SLC26A3: variants seen among roughly 807,000 people sequenced by gnomAD.
The protein encoded by SLC26A3 is chloride anion exchanger.
In SLC26A3, 64 loss-of-function variants were observed where a neutral mutation model predicts 85.6. The observed-to-expected ratio is 0.75, with a 90% confidence interval of 0.61 to 0.92. The LOEUF is 0.92. SLC26A3 is among the 40% of genes least tolerant of loss of function. The pLI, the probability that SLC26A3 is intolerant of heterozygous loss-of-function variation, is 0.00. For synonymous variants in SLC26A3, 349 were observed against 336.0 expected (o/e 1.04, Z -0.42); for missense variants, 922 against 927.3 (o/e 0.99, Z 0.07).
intron 7 of SLC26A3, 71 bp downstream of exon 7, chr7:107,787,286 A>G: frequency 4.5e-6 from 7 of 1,545,658 alleles, no homozygotes; most frequent in Non-Finnish European, 6.3e-6. Flanking sequence ...TTCCTGAGCT[A>G]CAAATGGTGA....
At position 107,791,331 on chromosome 7, in the gene SLC26A3, G is replaced by C. The variant is rs41280239; in HGVS notation, c.383-96C>G. 107,907 of 1,352,350 alleles carry C rather than the reference G, an allele frequency of 0.08. 5,125 individuals carry two copies. The highest frequency in any genetic ancestry group is 0.18 in the African/African-American group (12,614 of 69,730). 83.8% of individuals were successfully genotyped at this position (1,352,350 alleles called of 1,614,324 possible). On this transcript the variant is annotated intron_variant, in intron 4 of 20. Coordinates refer to ENST00000340010, the MANE Select transcript of SLC26A3 (RefSeq NM_000111.3). ...AAGACCATATAAAATGACTGGCAAG[G>C]CTGGGCGTGGTGGCTCACGCCTGTA...
intron 3 of SLC26A3, among the ~76,000 whole-genome samples, chr7:107,792,311 T>C (rs1794416294): frequency 6.6e-6 from 1 of 152,156 alleles, no homozygotes; most frequent in Non-Finnish European, 1.5e-5. Flanking sequence ...TTATTTCTAT[T>C]ATTATTACAT....
At chr7:107,768,061 T>C (rs1793945581) in intron 18 of SLC26A3, among the ~76,000 whole-genome samples, 153 bp from the exon 19 acceptor site, 1 of 152,210 alleles carries the variant, frequency 6.6e-6, no homozygotes, top group Non-Finnish European at 1.5e-5. Flanking sequence ...AATACCAGTC[T>C]ATCTTTAGTA....
chr7:107,790,596 A>G (rs1007146357), intron 5 of SLC26A3, among the ~76,000 whole-genome samples: 20 of 152,244 alleles, frequency 1.3e-4, no homozygotes, highest in African/African-American at 4.8e-4. Context: ...AGTTTTCCCC[A>G]AAATTGACAT....
At position 107,774,746 on chromosome 7, in the gene SLC26A3, T is replaced by C. The variant is rs1056106305; in HGVS notation, c.1773+31A>G. ...TCATCCTTTACTAAGCTTTTAGCTA[T>C]AATGCATAGAAATGTGGTCAAGGAA... On this transcript the variant is annotated intron_variant, in intron 16 of 20. Coordinates refer to ENST00000340010, the MANE Select transcript of SLC26A3 (RefSeq NM_000111.3). 9.5e-6 allele frequency: 14 copies of C among 1,467,634 alleles called. No homozygotes were observed. In the African/African-American group the frequency reaches 1.5e-4, roughly 16 times the overall value. 90.9% of individuals were successfully genotyped at this position (1,467,634 alleles called of 1,614,324 possible). A position where few individuals can be genotyped will look rare whatever the true frequency, so the allele number is the denominator to read the frequency against.
At position 107,798,642 on chromosome 7, in the gene SLC26A3, C is replaced by A. The variant is rs1286919526; in HGVS notation, c.-88-4045G>T. 2.0e-5 allele frequency among the ~76,000 whole-genome samples: 3 copies of A among 152,078 alleles called. No individual in the cohort carries two copies. The East Asian group carries it at 5.8e-4, about 29-fold the overall frequency. On this transcript the variant is annotated intron_variant, in intron 1 of 20. Coordinates refer to ENST00000340010, the MANE Select transcript of SLC26A3 (RefSeq NM_000111.3). Reference sequence around the variant, plus strand: ...ACAAGCAAGGGTGCAGAACACTTCCCAGCCCCTCCGCAGTCACATTAGATG... The same window carrying A: ...ACAAGCAAGGGTGCAGAACACTTCCAAGCCCCTCCGCAGTCACATTAGATG...
intron 15 of SLC26A3, chr7:107,775,965 T>C (rs568340093): frequency 3.4e-5 from 7 of 203,404 alleles, no homozygotes; most frequent in Non-Finnish European, 7.0e-5. Flanking sequence ...TGAGCTTTTT[T>C]TCTTAACTGT....
At chr7:107,790,413 A>G (rs1010093632) in intron 5 of SLC26A3, among the ~76,000 whole-genome samples, 1 of 152,250 alleles carries the variant, frequency 6.6e-6, no homozygotes, top group Admixed American at 6.5e-5. Context: ...ACGCATGCTT[A>G]TGTCCTTGTA....
In SLC26A3 at chr7:107,767,595, C is replaced by T. The variant is rs765288477; in HGVS notation, c.2255G>A (p.Arg752His). Residue 752 changes from arginine to histidine, a missense_variant, in exon 20 of 21, where the codon CGT (arginine) becomes CAT (histidine). Arg to His is a conservative substitution (Grantham distance 29). Transcript: ENST00000340010. ...GAATCTTACCTCATATACCCGATTA[C>T]GTAATCCTCCATTTGTATTTATGGT... ...DFTINTNGGL[R>H]NRVYEVPVET... 94 of 1,607,832 alleles carry T rather than the reference C, an allele frequency of 5.8e-5. No individual in the cohort carries two copies. The highest frequency in any genetic ancestry group is 1.7e-4 in the Middle Eastern group (1 of 5,916).
chr7:107,788,279 A>G (rs1350885562), intron 6 of SLC26A3, among the ~76,000 whole-genome samples: 1 of 152,212 alleles, frequency 6.6e-6, no homozygotes, highest in Non-Finnish European at 1.5e-5. Context: ...CACTTCTCCT[A>G]TATTTGACTC....
chr7:107,791,373 A>T, intron 4 of SLC26A3, 138 bp from the exon 5 acceptor site: 3 of 915,280 alleles, frequency 3.3e-6, no homozygotes, highest in Non-Finnish European at 5.3e-6. Flanking sequence ...GCACTTTGGG[A>T]GGCCGAGGCG....
chr7:107,772,391 C>T (rs1020710107), intron 17 of SLC26A3, among the ~76,000 whole-genome samples: 2 of 152,142 alleles, frequency 1.3e-5, no homozygotes, highest in African/African-American at 4.8e-5. Context: ...ATAAGAACAA[C>T]TCTGATTTAA....
chr7:107,778,251 T>A lies in SLC26A3; in HGVS notation c.1438A>T (p.Ile480Phe). The A allele has an allele frequency of 6.2e-7, 1 of 1,613,512 alleles. No homozygotes were observed. The highest frequency in any genetic ancestry group is 1.1e-5 in the South Asian group (1 of 91,026). The change falls in exon 13 of 21, where the codon ATT becomes TTT. Residue 480 changes from isoleucine (I) to phenylalanine (F), a missense_variant. Ile to Phe is a conservative substitution (Grantham distance 21). Coordinates refer to ENST00000340010, the MANE Select transcript of SLC26A3 (RefSeq NM_000111.3). ...LIWIMTFIFT[I>F]VLGLGLGLAA... is the part of the protein sequence containing the mutation. ...AGGCCTAACCCGAGTCCCAGGACAA[T>A]GGTGAAGATGAAGGTCATGATCCAA...
intron 18 of SLC26A3, among the ~76,000 whole-genome samples, chr7:107,769,132 T>G (rs1210685979): frequency 6.6e-6 from 1 of 152,136 alleles, no homozygotes; most frequent in African/African-American, 2.4e-5. Context: ...GTTGAACTAA[T>G]TTTCACTCCC....
At chr7:107,769,435 A>C in intron 18 of SLC26A3, among the ~76,000 whole-genome samples, 1 of 152,308 alleles carries the variant, frequency 6.6e-6, no homozygotes. Flanking sequence ...TTGCAGGTAC[A>C]TGGAGTTGGA....
intron 5 of SLC26A3, 130 bp downstream of exon 5, chr7:107,790,918 A>C: frequency 1.1e-6 from 1 of 941,530 alleles, no homozygotes. Context: ...AGTATTTCCT[A>C]TGGGCCATGA....
At chr7:107,766,668 A>G (rs770989050) in intron 20 of SLC26A3, among the ~76,000 whole-genome samples, 1 of 152,114 alleles carries the variant, frequency 6.6e-6, no homozygotes, top group Non-Finnish European at 1.5e-5. Flanking sequence ...CCTTTCAACT[A>G]AGAGAAATAC....
Position 107,765,613 on chromosome 7 carries a change from G to T in SLC26A3, c.*242C>A, listed in dbSNP as rs565598733. 20 of 471,560 alleles carry T rather than the reference G, an allele frequency of 4.2e-5. No individual in the cohort carries two copies. The highest frequency in any genetic ancestry group is 3.9e-4 in the African/African-American group (20 of 50,788). 29.2% of individuals were successfully genotyped at this position (471,560 alleles called of 1,614,324 possible). On this transcript the variant is annotated 3_prime_UTR_variant, in exon 21 of 21. Coordinates refer to ENST00000340010, the MANE Select transcript of SLC26A3 (RefSeq NM_000111.3). ...AAATCTGTCAGTGCTACAAAAATAT[G>T]TATGAACAAAATAATTTTCACCCTT... is the stretch of plus-strand genomic sequence containing the variant.
intron 1 of SLC26A3, among the ~76,000 whole-genome samples, chr7:107,794,929 A>G (rs1358354407): frequency 6.6e-6 from 1 of 152,214 alleles, no homozygotes. Flanking sequence ...TAAGGCATTT[A>G]AGTGTTGGGA....
Sources: gnomAD v4.1 joint callset for allele counts (sites outside exome capture counted in the v4.1 genomes callset) on GRCh38, gnomAD v4.1.1 for gene constraint, MANE v1.5 for transcripts, NCBI Gene and HGNC (gene_info 2026-07-23, HGNC 2026-07-21) for gene names.